EYS: variants seen among roughly 807,000 people sequenced by gnomAD.
EYS encodes the protein protein eyes shut homolog.
In EYS, 250 loss-of-function variants were observed where a neutral mutation model predicts 282.1. That is an observed-to-expected ratio of 0.89 (90% CI 0.80 to 0.98). EYS has a LOEUF of 0.98. EYS is among the 50% of genes least tolerant of loss of function. The pLI is 0.00. For synonymous variants in EYS, 1,355 were observed against 1,282.9 expected (o/e 1.06, Z -1.20); for missense variants, 4,016 against 3,709.0 (o/e 1.08, Z -2.15).
chr6:63,898,542 T>C (rs1773590046), intron 35 of EYS, among the ~76,000 whole-genome samples: 1 of 151,920 alleles, frequency 6.6e-6, no homozygotes, highest in Non-Finnish European at 1.5e-5. Context: ...AGTATTATTT[T>C]GAAATTTTAA....
intron 26 of EYS, among the ~76,000 whole-genome samples, chr6:64,568,793 A>G (rs933056840): frequency 6.6e-6 from 1 of 152,076 alleles, no homozygotes; most frequent in African/African-American, 2.4e-5. Flanking sequence ...AACAGGCAAC[A>G]ATCTTTGTTG....
intron 12 of EYS, among the ~76,000 whole-genome samples, chr6:65,129,171 T>C (rs954069513): frequency 2.6e-5 from 4 of 151,960 alleles, no homozygotes; most frequent in Admixed American, 2.0e-4. Flanking sequence ...CAATTAAAGA[T>C]GGATTAAATA....
chr6:64,476,025 G>C (rs951379442), intron 26 of EYS, among the ~76,000 whole-genome samples: 2 of 152,026 alleles, frequency 1.3e-5, no homozygotes, highest in African/African-American at 4.8e-5. Context: ...TACTGGCCTC[G>C]AGCGATCTTC....
chr6:65,108,157 G>T (rs150966062), intron 12 of EYS, among the ~76,000 whole-genome samples: 4 of 150,920 alleles, frequency 2.7e-5, no homozygotes, highest in African/African-American at 7.3e-5. Context: ...TTAGCTCGAA[G>T]AACTTCTTTT....
At chr6:64,394,717 A>G (rs1347955391) in intron 28 of EYS, among the ~76,000 whole-genome samples, 1 of 152,176 alleles carries the variant, frequency 6.6e-6, no homozygotes, top group East Asian at 1.9e-4. Context: ...GGACATAGGC[A>G]TGGGCAAGGA....
At chr6:64,831,384 T>C (rs1027574222) in intron 19 of EYS, among the ~76,000 whole-genome samples, 2 of 152,012 alleles carry the variant, frequency 1.3e-5, no homozygotes, top group Non-Finnish European at 2.9e-5. Context: ...CATTTGCTAA[T>C]ATTTTCATTG....
intron 22 of EYS, among the ~76,000 whole-genome samples, chr6:64,651,701 T>C (rs2149878823): frequency 6.6e-6 from 1 of 152,126 alleles, no homozygotes. Context: ...AAAAAAAAAT[T>C]CATAAAATAC....
chr6:64,249,151 A>G (rs1322416863), intron 30 of EYS, among the ~76,000 whole-genome samples: 1 of 152,062 alleles, frequency 6.6e-6, no homozygotes. Flanking sequence ...ATCAACATAA[A>G]GGTCCATTAA....
intron 22 of EYS, among the ~76,000 whole-genome samples, chr6:64,780,545 T>G (rs966832041): frequency 6.6e-6 from 1 of 152,052 alleles, no homozygotes. Context: ...GGGTTGAGGG[T>G]TGAACAATTA....
chr6:65,472,255 A>G (rs1765243513), intron 5 of EYS, among the ~76,000 whole-genome samples: 1 of 152,116 alleles, frequency 6.6e-6, no homozygotes, highest in African/African-American at 2.4e-5. Context: ...TAAGTCTGAA[A>G]GCCATTTATG....
chr6:64,108,742 C>T (rs1773112539), intron 31 of EYS, among the ~76,000 whole-genome samples: 2 of 152,016 alleles, frequency 1.3e-5, no homozygotes. Context: ...TCCACCCGAT[C>T]TCTCCTCCTC....
intron 20 of EYS, among the ~76,000 whole-genome samples, 165 bp downstream of exon 20, chr6:64,822,486 G>T (rs955249677): frequency 2.0e-5 from 3 of 151,968 alleles, no homozygotes; most frequent in Admixed American, 2.0e-4. Context: ...TCAGTACATT[G>T]CATTAGCTAA....
chr6:64,871,324 CA>C (rs35970126), intron 19 of EYS, among the ~76,000 whole-genome samples: 238 of 131,758 alleles, frequency 1.8e-3, no homozygotes, highest in South Asian at 4.1e-3. Context: ...AGTTGCTTCT[CA>C]AAAAAAAAAA....
rs115242430 is a variant in EYS at position 64,620,583 on chromosome 6, C to T, written c.3569-3050G>A. ...ATGGGAGTGGATACTGAGTGTCAAT[C>T]ATACCCATTAGTATGAAGAAACACG... On this transcript the variant is annotated intron_variant, in intron 23 of 42. Transcript: ENST00000503581. Among the ~76,000 whole-genome samples the T allele has an allele frequency of 6.2e-3, 943 of 152,286 alleles. 7 individuals are homozygous for T. The highest frequency in any genetic ancestry group is 0.011 in the Non-Finnish European group (743 of 68,016).
intron 5 of EYS, among the ~76,000 whole-genome samples, chr6:65,415,669 T>C (rs1767202510): frequency 6.6e-6 from 1 of 152,184 alleles, no homozygotes; most frequent in East Asian, 1.9e-4. Context: ...AGTTAACTGG[T>C]GGCATCCAGG....
chr6:64,000,037 T>A (rs1768006585), intron 33 of EYS, among the ~76,000 whole-genome samples: 1 of 152,018 alleles, frequency 6.6e-6, no homozygotes, highest in African/African-American at 2.4e-5. Context: ...AGAGTGTGGG[T>A]GATTTCATTT....
rs755240309 is a variant in EYS, at chr6:65,384,386, T to C, written c.1299A>G (p.Lys433=). The C allele has an allele frequency of 5.7e-6, 9 of 1,567,772 alleles. No individual in the cohort carries two copies. The East Asian group carries it at 1.8e-4, about 31-fold the overall frequency. ...EWCFNIIGRF[K]YVCIPGCTKN... ...TGTTGCCATGTATTAAATTACTTAC[T>C]TTGAATCTTCCAATTATATTGAAAC... Residue 433 remains lysine (K), a splice_region_variant and synonymous_variant, in exon 8 of 43, where the codon AAA becomes AAG. Coordinates refer to ENST00000503581, the MANE Select transcript of EYS (RefSeq NM_001142800.2).
At chr6:64,986,355 G>A (rs946850268) in intron 14 of EYS, among the ~76,000 whole-genome samples, 5 of 151,296 alleles carry the variant, frequency 3.3e-5, no homozygotes. Flanking sequence ...AAATTCCTAT[G>A]TCAATTTATT....
chr6:64,930,385 T>G (rs1256975910), intron 15 of EYS, among the ~76,000 whole-genome samples: 1 of 151,366 alleles, frequency 6.6e-6, no homozygotes, highest in East Asian at 1.9e-4. Context: ...TGCCATAGAT[T>G]GCTATTGCCT....
Sources: allele counts gnomAD v4.1 joint callset (sites outside exome capture counted in the v4.1 genomes callset), GRCh38; gene constraint gnomAD v4.1.1; transcripts MANE v1.5; gene names NCBI Gene and HGNC (gene_info 2026-07-23, HGNC 2026-07-21).